The following PPARGC1A variants were observed in gnomAD, a reference collection of about 807,000 sequenced individuals.
PPARGC1A encodes PPARG coactivator 1 alpha.
Under a neutral mutation model 88.7 loss-of-function variants are expected in PPARGC1A, and 25 were observed. That is an observed-to-expected ratio of 0.28 (90% CI 0.21 to 0.39). PPARGC1A has a LOEUF of 0.39. Ranked by LOEUF, PPARGC1A falls within the 10% of genes least tolerant of loss-of-function variation. The pLI is 1.00. For synonymous variants in PPARGC1A, 363 were observed against 355.6 expected (o/e 1.02, Z -0.24); for missense variants, 880 against 968.7 (o/e 0.91, Z 1.22).
At chr4:24,360,398 C>T in the PPARGC1A span, among the ~76,000 whole-genome samples, 1 of 152,278 alleles carries the variant, frequency 6.6e-6, no homozygotes, top group South Asian at 2.1e-4. Context: ...GCCACAAGCC[C>T]CTCCCATCTA....
At chr4:24,374,854 A>G in the PPARGC1A span, among the ~76,000 whole-genome samples, 27 of 152,254 alleles carry the variant, frequency 1.8e-4, no homozygotes, top group Non-Finnish European at 2.6e-4. Flanking sequence ...AAAATTAAAC[A>G]TGGTGTTACT....
At chr4:24,059,181 A>C in the PPARGC1A span, among the ~76,000 whole-genome samples, 3 of 152,190 alleles carry the variant, frequency 2.0e-5, no homozygotes, top group African/African-American at 7.2e-5. Flanking sequence ...TCTGAATATC[A>C]TTCATAATGA....
intron 2 of PPARGC1A, among the ~76,000 whole-genome samples, chr4:23,869,356 GCATTC>G (rs1712771832): frequency 6.6e-6 from 1 of 152,174 alleles, no homozygotes; most frequent in Non-Finnish European, 1.5e-5. Context: ...GAGGAGGGCA[GCATTC>G]TTTGAAACTG....
the PPARGC1A span, among the ~76,000 whole-genome samples, chr4:24,458,718 T>C: frequency 6.6e-6 from 1 of 152,072 alleles, no homozygotes; most frequent in Non-Finnish European, 1.5e-5. Context: ...TCATAATTGG[T>C]GACAACCTAA....
chr4:24,141,978 AC>A, the PPARGC1A span, among the ~76,000 whole-genome samples: 2 of 152,150 alleles, frequency 1.3e-5, no homozygotes, highest in Non-Finnish European at 2.9e-5. Flanking sequence ...AAAAATGATC[AC>A]CCATAAAACT....
chr4:24,181,389 T>C, the PPARGC1A span, among the ~76,000 whole-genome samples: 1 of 152,200 alleles, frequency 6.6e-6, no homozygotes, highest in Non-Finnish European at 1.5e-5. Flanking sequence ...TAGGATAATA[T>C]TGGTAGCTAC....
the PPARGC1A span, among the ~76,000 whole-genome samples, chr4:24,467,197 A>C: frequency 2.9e-3 from 439 of 152,276 alleles, 2 homozygotes; most frequent in African/African-American, 0.01. Flanking sequence ...CCTTATTGGA[A>C]GACCTGCAAC....
chr4:24,146,545 C>T, the PPARGC1A span, among the ~76,000 whole-genome samples: 2 of 152,214 alleles, frequency 1.3e-5, no homozygotes, highest in East Asian at 3.9e-4. Context: ...TAGGGAGGCA[C>T]AACGTCATTA....
chr4:24,114,473 C>T, the PPARGC1A span, among the ~76,000 whole-genome samples: 1 of 152,208 alleles, frequency 6.6e-6, no homozygotes, highest in Non-Finnish European at 1.5e-5. Context: ...AGTCTCCTTG[C>T]TCCACCTCAC....
the PPARGC1A span, among the ~76,000 whole-genome samples, chr4:24,031,242 C>A: frequency 6.6e-6 from 1 of 152,158 alleles, no homozygotes; most frequent in South Asian, 2.1e-4. Context: ...CACTTGCTGC[C>A]TATCAGTCCC....
intron 2 of PPARGC1A, 182 bp downstream of exon 2, chr4:23,884,570 A>G (rs915421064): frequency 1.9e-6 from 1 of 514,196 alleles, no homozygotes; most frequent in Non-Finnish European, 3.2e-6. Flanking sequence ...TTAAAAAAAT[A>G]AAAACAAAAC....
the PPARGC1A span, among the ~76,000 whole-genome samples, chr4:24,117,060 T>C: frequency 6.8e-6 from 1 of 147,028 alleles, no homozygotes; most frequent in African/African-American, 2.6e-5. Context: ...AAAAAAAAAA[T>C]CACAGAAAAT....
At chr4:23,860,521 G>A (rs772862059) in intron 2 of PPARGC1A, among the ~76,000 whole-genome samples, 9 of 151,970 alleles carry the variant, frequency 5.9e-5, no homozygotes, top group Non-Finnish European at 7.4e-5. Flanking sequence ...GCTTGGCTAC[G>A]GTAATCATCA....
At chr4:23,905,497 T>A (rs556124657), upstream of PPARGC1A, among the ~76,000 whole-genome samples, 72 of 152,352 alleles carry the variant, frequency 4.7e-4, no homozygotes, top group Non-Finnish European at 8.2e-4. Flanking sequence ...TTTTTCACCC[T>A]ATTCTTCTTC....
chr4:23,870,762 C>A (rs1713140053), intron 2 of PPARGC1A, among the ~76,000 whole-genome samples: 1 of 151,950 alleles, frequency 6.6e-6, no homozygotes, highest in Non-Finnish European at 1.5e-5. Context: ...ATGTTTCAGA[C>A]AATTAATAAT....
At chr4:23,938,163 TA>T in the PPARGC1A span, among the ~76,000 whole-genome samples, 13 of 151,700 alleles carry the variant, frequency 8.6e-5, no homozygotes, top group African/African-American at 2.4e-4. Context: ...GGAAAACCAG[TA>T]AAAAAAATTC....
At chr4:23,892,875 G>C (rs1164795547), upstream of PPARGC1A, among the ~76,000 whole-genome samples, 1 of 151,944 alleles carries the variant, frequency 6.6e-6, no homozygotes, top group Non-Finnish European at 1.5e-5. Flanking sequence ...GGAATAATTT[G>C]GTATGAAAAA....
At chr4:23,887,794 A>T (rs1305720448) in intron 1 of PPARGC1A, among the ~76,000 whole-genome samples, 16 of 152,274 alleles carry the variant, frequency 1.1e-4, no homozygotes, top group Non-Finnish European at 2.1e-4. Flanking sequence ...CACATTAATT[A>T]TATTAATGAA....
intron 2 of PPARGC1A, among the ~76,000 whole-genome samples, chr4:23,832,241 T>C (rs1444261491): frequency 6.6e-6 from 1 of 152,162 alleles, no homozygotes; most frequent in East Asian, 1.9e-4. Flanking sequence ...AAAGCAACTA[T>C]ACACTTTCAT....
Sources: gnomAD v4.1 joint callset for allele counts (sites outside exome capture counted in the v4.1 genomes callset) on GRCh38, gnomAD v4.1.1 for gene constraint, MANE v1.5 for transcripts, NCBI Gene and HGNC (gene_info 2026-07-23, HGNC 2026-07-21) for gene names.